The following C4orf17 variants were observed in gnomAD, a reference collection of about 807,000 sequenced individuals.
C4orf17 encodes uncharacterized protein C4orf17.
Under a neutral mutation model 32.0 loss-of-function variants are expected in C4orf17, and 25 were observed. The ratio of observed to expected loss-of-function variants is 0.78; its 90% CI spans 0.57 to 1.09. C4orf17 has a LOEUF of 1.09. Among genes scored for constraint, C4orf17 ranks in the 50% least tolerant of loss-of-function variants. The probability of loss-of-function intolerance (pLI) is 0.00; values close to 1 mark genes in which losing one functional copy is unlikely to be tolerated. For synonymous variants in C4orf17, 149 were observed against 145.8 expected (o/e 1.02, Z -0.16); for missense variants, 420 against 420.0 (o/e 1.00, Z 0.00).
chr4:99,524,791 T>C (rs781604312), intron 4 of C4orf17, among the ~76,000 whole-genome samples: 1 of 152,238 alleles, frequency 6.6e-6, no homozygotes, highest in African/African-American at 2.4e-5. Flanking sequence ...AAACTACCAC[T>C]GCAGTCAAGA....
intron 8 of C4orf17, 170 bp from the exon 9 acceptor site, chr4:99,541,740 C>A: frequency 1.7e-6 from 1 of 592,278 alleles, no homozygotes; most frequent in South Asian, 2.2e-5. Flanking sequence ...TAAAGATGAG[C>A]ATGTGGTGGA....
At chr4:99,530,923 A>G (rs1296810736) in intron 5 of C4orf17, among the ~76,000 whole-genome samples, 1 of 151,974 alleles carries the variant, frequency 6.6e-6, no homozygotes, top group Non-Finnish European at 1.5e-5. Context: ...CACCTGCTAC[A>G]CTCTGGCCAC....
intron 8 of C4orf17, chr4:99,541,025 T>A (rs570653420): frequency 1.3e-5 from 2 of 152,444 alleles, no homozygotes; most frequent in South Asian, 4.1e-4. Context: ...CCTTATAGGT[T>A]TGGCAGTTTC....
chr4:99,520,853 C>T (rs1281507676), intron 2 of C4orf17, among the ~76,000 whole-genome samples: 1 of 152,124 alleles, frequency 6.6e-6, no homozygotes, highest in South Asian at 2.1e-4. Flanking sequence ...TTAACAAATT[C>T]TTACTAAGCT....
chr4:99,512,537 G>GATA (rs1245778285), intron 1 of C4orf17, among the ~76,000 whole-genome samples: 1 of 152,076 alleles, frequency 6.6e-6, no homozygotes, highest in Non-Finnish European at 1.5e-5. Flanking sequence ...CTCCGAAGAT[G>GATA]ATATACATTT....
chr4:99,516,413 C>A (rs1187581827), intron 2 of C4orf17, among the ~76,000 whole-genome samples: 1 of 152,176 alleles, frequency 6.6e-6, no homozygotes, highest in African/African-American at 2.4e-5. Context: ...TGGGAGTCAT[C>A]AGCATAGAAA....
chr4:99,525,825 T>C (rs1029244378), intron 4 of C4orf17, among the ~76,000 whole-genome samples: 1 of 152,182 alleles, frequency 6.6e-6, no homozygotes, highest in African/African-American at 2.4e-5. Context: ...TGTTGACTTT[T>C]TTATTATAAT....
At chr4:99,531,122 G>GT (rs71594553) in intron 5 of C4orf17, among the ~76,000 whole-genome samples, 40,078 of 150,576 alleles carry the variant, frequency 0.27, 5,468 homozygotes, top group South Asian at 0.35. Flanking sequence ...ATTACCCTTT[G>GT]TTTTTTTTTG....
At chr4:99,539,404 C>A in intron 7 of C4orf17, 34 bp downstream of exon 7, 1 of 1,518,136 alleles carries the variant, frequency 6.6e-7, no homozygotes, top group Non-Finnish European at 9.1e-7. Flanking sequence ...AGAGGGAGGG[C>A]CTATGGCACA....
intron 2 of C4orf17, among the ~76,000 whole-genome samples, chr4:99,518,809 CCA>C (rs1375553952): frequency 6.6e-6 from 1 of 151,738 alleles, no homozygotes; most frequent in Non-Finnish European, 1.5e-5. Context: ...GTCTGGATTT[CCA>C]CACATACTCT....
At chr4:99,535,963 G>GTCAT (rs2110173438) in intron 5 of C4orf17, 1 of 450,034 alleles carries the variant, frequency 2.2e-6, no homozygotes, top group Non-Finnish European at 4.4e-6. Context: ...TCTTCTAACA[G>GTCAT]GCCACTCTTC....
At chr4:99,528,647 G>T (rs1723429413) in intron 4 of C4orf17, among the ~76,000 whole-genome samples, 1 of 152,172 alleles carries the variant, frequency 6.6e-6, no homozygotes, top group South Asian at 2.1e-4. Flanking sequence ...GAGGAGTCAA[G>T]AAACTTACAA....
chr4:99,539,465 G>C, intron 7 of C4orf17, 95 bp downstream of exon 7: 1 of 1,022,276 alleles, frequency 9.8e-7, no homozygotes, highest in Non-Finnish European at 1.5e-6. Context: ...TTAAACAGGA[G>C]GTTCTAAAGC....
Position 99,539,370 on chromosome 4 carries a change from G to A in C4orf17, c.836G>A (p.Arg279Lys). 1 of 1,613,140 alleles carries A rather than the reference G, an allele frequency of 6.2e-7. No homozygotes were observed. Among genetic ancestry groups the A allele is most frequent in the South Asian group, 1.1e-5 (1 of 91,048 alleles). Residue 279 changes from arginine to lysine, a missense_variant and splice_region_variant, in exon 7 of 9, where the codon AGA becomes AAA. Transcript: ENST00000326581. Reference protein sequence around the residue: ...TRDTEGDQPTRVSSQGSEENK... With the variant: ...TRDTEGDQPTKVSSQGSEENK... ...GATACAGAAGGGGATCAACCAACCA[G>A]GTAATTAGATATAATGGCCCCCTAG...
At chr4:99,520,980 A>G (rs1723279090) in intron 2 of C4orf17, among the ~76,000 whole-genome samples, 1 of 152,254 alleles carries the variant, frequency 6.6e-6, no homozygotes, top group African/African-American at 2.4e-5. Flanking sequence ...TCAGAAATGT[A>G]AAATCATTTT....
chr4:99,529,954 T>C lies in C4orf17; in HGVS notation c.542T>C (p.Ile181Thr), dbSNP rs756278051. 3.7e-6 allele frequency: 6 copies of C among 1,606,102 alleles called. No homozygotes were observed. The African/African-American group carries it at 6.8e-5, about 18-fold the overall frequency. The change falls in exon 5 of 9, where the codon ATA becomes ACA. Residue 181 changes from isoleucine to threonine, a missense_variant. Physicochemically the swap from Ile to Thr is moderately conservative, Grantham distance 89. Transcript: ENST00000326581. ...ATACCAAACTATCTGGATCAGGAAA[T>C]AAAAGTAAGTATCAGGTTTATCAAA... ...ICIPNYLDQE[I>T]KILAKLCSIL...
chr4:99,533,674 C>G (rs909467647), intron 5 of C4orf17, among the ~76,000 whole-genome samples: 7 of 152,094 alleles, frequency 4.6e-5, no homozygotes, highest in African/African-American at 1.7e-4. Flanking sequence ...AGTGTTCAGT[C>G]CAATATGAAG....
In C4orf17 at chr4:99,518,608, G is replaced by C. The variant is rs185209203; in HGVS notation, c.128-3892G>C. On this transcript the variant is annotated intron_variant, in intron 2 of 8. Coordinates refer to ENST00000326581, the MANE Select transcript of C4orf17 (RefSeq NM_032149.3). ...AGGGAGGGAGACAGAGAGAGAGAGA[G>C]ACTGTTTATCCTACACAAAATCCTT... 2.2e-3 allele frequency among the ~76,000 whole-genome samples: 312 copies of C among 141,756 alleles called. 3 individuals carry two copies. The highest frequency in any genetic ancestry group is 4.0e-3 in the Non-Finnish European group (266 of 66,164). 93.0% of individuals were successfully genotyped at this position (141,756 alleles called of 152,430 possible). A position where few individuals can be genotyped will look rare whatever the true frequency, so the allele number is the denominator to read the frequency against.
intron 5 of C4orf17, among the ~76,000 whole-genome samples, chr4:99,531,929 G>T (rs1310889958): frequency 6.6e-6 from 1 of 152,098 alleles, no homozygotes; most frequent in Non-Finnish European, 1.5e-5. Flanking sequence ...ATCAGGAAAT[G>T]TTTTTGCAGG....
Sources: allele counts gnomAD v4.1 joint callset (sites outside exome capture counted in the v4.1 genomes callset), GRCh38; gene constraint gnomAD v4.1.1; transcripts MANE v1.5; gene names NCBI Gene and HGNC (gene_info 2026-07-23, HGNC 2026-07-21).